The following RANBP17 variants were observed in gnomAD, a reference collection of about 807,000 sequenced individuals.
The protein encoded by RANBP17 is ran-binding protein 17.
A neutral mutation model predicts 141.2 loss-of-function variants in RANBP17; 158 were observed. The observed-to-expected ratio is 1.12, with a 90% CI of 0.98 to 1.28. The LOEUF (loss-of-function observed/expected upper bound fraction) is 1.28. Ranked by LOEUF, RANBP17 falls within the 50% of genes most tolerant of loss-of-function variation. RANBP17 has a pLI of 0.00. For missense variants in RANBP17, 1,438 were observed against 1,290.7 expected (o/e 1.11, Z -1.75); for synonymous variants, 430 against 450.0 (o/e 0.96, Z 0.56).
intron 25 of RANBP17, among the ~76,000 whole-genome samples, chr5:171,285,804 A>T (rs1262169083): frequency 6.6e-6 from 1 of 152,234 alleles, no homozygotes; most frequent in Admixed American, 6.5e-5. Context: ...TGAATTATTT[A>T]TCATAATTTA....
At chr5:171,195,877 C>G (rs1436274820) in intron 18 of RANBP17, among the ~76,000 whole-genome samples, 3 of 152,158 alleles carry the variant, frequency 2.0e-5, no homozygotes, top group Non-Finnish European at 4.4e-5. Flanking sequence ...TGCAACAGTA[C>G]TTTGAAAACA....
chr5:170,961,282 C>T (rs1307921568), intron 13 of RANBP17, among the ~76,000 whole-genome samples: 1 of 152,042 alleles, frequency 6.6e-6, no homozygotes, highest in African/African-American at 2.4e-5. Flanking sequence ...GTATAGTGGG[C>T]CCTCAAATTT....
chr5:170,993,134 G>T (rs1778611640), intron 14 of RANBP17, among the ~76,000 whole-genome samples: 1 of 151,938 alleles, frequency 6.6e-6, no homozygotes, highest in Admixed American at 6.6e-5. Context: ...GAAGGGAAGG[G>T]GGAAAAAGCC....
intron 14 of RANBP17, among the ~76,000 whole-genome samples, chr5:171,005,957 G>A (rs1359797859): frequency 1.3e-5 from 2 of 152,144 alleles, no homozygotes; most frequent in East Asian, 1.9e-4. Flanking sequence ...ACACTTGTCA[G>A]AAGAAGACAT....
chr5:171,223,587 A>G (rs1763703895), intron 22 of RANBP17, among the ~76,000 whole-genome samples: 1 of 152,176 alleles, frequency 6.6e-6, no homozygotes, highest in Non-Finnish European at 1.5e-5. Context: ...GTGAGCCAAT[A>G]TTGCACCATT....
At chr5:170,932,185 C>T (rs1319538328) in intron 12 of RANBP17, among the ~76,000 whole-genome samples, 2 of 151,798 alleles carry the variant, frequency 1.3e-5, no homozygotes, top group African/African-American at 4.9e-5. Flanking sequence ...AATGAGAATT[C>T]ACTCATGATT....
intron 13 of RANBP17, among the ~76,000 whole-genome samples, chr5:170,967,937 T>C (rs1447593690): frequency 6.6e-6 from 1 of 151,732 alleles, no homozygotes; most frequent in East Asian, 1.9e-4. Context: ...GTTTTTTATG[T>C]GTATGCCATG....
intron 22 of RANBP17, among the ~76,000 whole-genome samples, chr5:171,233,364 C>T (rs750615436): frequency 9.9e-5 from 15 of 152,188 alleles, no homozygotes; most frequent in Non-Finnish European, 1.9e-4. Context: ...TGAAACTAAA[C>T]ACAGTCATTG....
intron 12 of RANBP17, among the ~76,000 whole-genome samples, chr5:170,940,068 C>T (rs1328443140): frequency 6.6e-6 from 1 of 151,988 alleles, no homozygotes; most frequent in African/African-American, 2.4e-5. Context: ...ATCCAATAAA[C>T]ATAAATGAGT....
At chr5:171,038,185 T>TGG (rs2127629803) in intron 14 of RANBP17, among the ~76,000 whole-genome samples, 1 of 151,848 alleles carries the variant, frequency 6.6e-6, no homozygotes, top group Admixed American at 6.6e-5. Flanking sequence ...TGTGTGTGTG[T>TGG]GTGTGTGTGT....
At chr5:170,985,119 A>T (rs1338220514) in intron 14 of RANBP17, among the ~76,000 whole-genome samples, 49 of 151,590 alleles carry the variant, frequency 3.2e-4, no homozygotes, top group Admixed American at 3.2e-3. Flanking sequence ...ACACAAACAC[A>T]TACATACACA....
At chr5:171,143,885 G>C (rs557156469) in intron 14 of RANBP17, among the ~76,000 whole-genome samples, 1 of 152,170 alleles carries the variant, frequency 6.6e-6, no homozygotes, top group African/African-American at 2.4e-5. Flanking sequence ...GGGAACAGTA[G>C]ACAGAAAGCC....
At chr5:170,921,043 C>G (rs189687295) in intron 11 of RANBP17, among the ~76,000 whole-genome samples, 1 of 152,228 alleles carries the variant, frequency 6.6e-6, no homozygotes, top group Non-Finnish European at 1.5e-5. Flanking sequence ...TGTAGGTTGC[C>G]TGTTCACTCT....
Position 171,104,130 on chromosome 5 carries a change from T to A in RANBP17, c.1711-66000T>A, listed in dbSNP as rs1440688879. 2.6e-5 allele frequency among the ~76,000 whole-genome samples: 4 copies of A among 152,184 alleles called. No individual in the cohort carries two copies. In the East Asian group the frequency reaches 7.7e-4, roughly 29 times the overall value. On this transcript the variant is annotated intron_variant, in intron 14 of 27. Coordinates refer to ENST00000523189, the MANE Select transcript of RANBP17 (RefSeq NM_022897.5). ...TCGGCTCACTGAAACCTCCACCTCCTGGGTTCAAGTGATTCTGCTGCCTCA... is the reference window on the plus strand; with the variant it reads ...TCGGCTCACTGAAACCTCCACCTCCAGGGTTCAAGTGATTCTGCTGCCTCA...
intron 27 of RANBP17, among the ~76,000 whole-genome samples, chr5:171,297,391 G>A (rs554635563): frequency 4.0e-5 from 6 of 151,580 alleles, no homozygotes; most frequent in South Asian, 2.1e-4. Flanking sequence ...TTCAGGGGGC[G>A]AAAAAAAAGG....
intron 18 of RANBP17, among the ~76,000 whole-genome samples, chr5:171,186,726 C>T (rs1038540825): frequency 3.3e-5 from 5 of 150,468 alleles, no homozygotes; most frequent in East Asian, 2.0e-4. Flanking sequence ...TTAGTAGAGA[C>T]GGGGTTTCAC....
intron 14 of RANBP17, among the ~76,000 whole-genome samples, chr5:171,141,621 CAA>C (rs10691735): frequency 1.8e-5 from 1 of 55,326 alleles, no homozygotes; most frequent in South Asian, 8.7e-4. Context: ...GACTCCATCT[CAA>C]AAAAAAAAAA....
At chr5:171,170,063 A>G in intron 14 of RANBP17, 67 bp from the exon 15 acceptor site, 1 of 847,148 alleles carries the variant, frequency 1.2e-6, no homozygotes, top group Non-Finnish European at 1.8e-6. Context: ...TGTTTGTTCA[A>G]TTCGAATAGT....
intron 20 of RANBP17, chr5:171,207,124 T>G (rs1374583621): frequency 1.2e-5 from 2 of 163,382 alleles, no homozygotes; most frequent in East Asian, 2.7e-4. Context: ...TGTGCTCCAC[T>G]GCACCCAGCT....
Sources: allele counts gnomAD v4.1 joint callset (sites outside exome capture counted in the v4.1 genomes callset), GRCh38; gene constraint gnomAD v4.1.1; transcripts MANE v1.5; gene names NCBI Gene and HGNC (gene_info 2026-07-23, HGNC 2026-07-21).